TRPC1: variants seen among roughly 807,000 people sequenced by gnomAD.
TRPC1 encodes transient receptor potential cation channel subfamily C member 1.
TRPC1 carries 42 observed loss-of-function variants against 88.2 expected under a neutral mutation model. The observed-to-expected ratio is 0.48, with a 90% confidence interval of 0.37 to 0.62. TRPC1 has a LOEUF of 0.62. TRPC1 is among the 20% of genes least tolerant of loss of function. The pLI is 0.00. For synonymous variants in TRPC1, 288 were observed against 331.8 expected (o/e 0.87, Z 1.43); for missense variants, 699 against 957.3 (o/e 0.73, Z 3.56).
In TRPC1 at chr3:142,784,763, G is replaced by A. The variant is rs7621642; in HGVS notation, c.1020G>A (p.Ser340=). Residue 340 remains serine (S), a synonymous_variant, in exon 7 of 13, where the codon TCG becomes TCA. Transcript: ENST00000476941. ...ACACTGTTTGGTTTGGACAGATGTC[G>A]GGTTACCGACGCAAGCCCACCTGTA... The part of the protein sequence containing the change: ...FLNTVWFGQM[S]GYRRKPTCKK... 0.24 allele frequency: 384,592 copies of A among 1,613,628 alleles called. 55,615 individuals carry two copies. Among genetic ancestry groups the A allele is most frequent in the African/African-American group, 0.7 (52,380 of 74,894 alleles).
intron 9 of TRPC1, 35 bp downstream of exon 9, chr3:142,793,002 A>C: frequency 6.5e-7 from 1 of 1,527,390 alleles, no homozygotes; most frequent in Non-Finnish European, 8.9e-7. Context: ...AACATTTTTT[A>C]GATGTCATTA....
At chr3:142,752,392 C>T (rs527631170) in intron 4 of TRPC1, among the ~76,000 whole-genome samples, 1 of 152,392 alleles carries the variant, frequency 6.6e-6, no homozygotes, top group East Asian at 1.9e-4. Flanking sequence ...TTATGTTTCT[C>T]TCCACCCAAA....
Position 142,771,401 on chromosome 3 carries a change from C to T in TRPC1, c.633-6231C>T, listed in dbSNP as rs373970077. Among the ~76,000 whole-genome samples, 10 of 152,190 alleles carry T rather than the reference C, an allele frequency of 6.6e-5. No individual in the cohort carries two copies. In the East Asian group the frequency reaches 1.9e-3, roughly 29 times the overall value. ...ACGTTGCCCAGGCTGGTCTCGAACT[C>T]CTGGACTCAAGCAGTCCCCCCGCCA... On this transcript the variant is annotated intron_variant, in intron 4 of 12. Coordinates refer to ENST00000476941, the MANE Select transcript of TRPC1 (RefSeq NM_001251845.2).
At chr3:142,785,242 A>T (rs562770123) in intron 7 of TRPC1, 2 of 433,616 alleles carry the variant, frequency 4.6e-6, no homozygotes, top group Admixed American at 8.2e-5. Context: ...ATAAGGAAGC[A>T]TCTCTCTTAT....
At chr3:142,779,618 A>G (rs1168909681) in intron 5 of TRPC1, among the ~76,000 whole-genome samples, 1 of 152,200 alleles carries the variant, frequency 6.6e-6, no homozygotes, top group Non-Finnish European at 1.5e-5. Context: ...GAGAGAAATT[A>G]AGGCAAAGAA....
chr3:142,739,879 A>C (rs1934280576), intron 2 of TRPC1, among the ~76,000 whole-genome samples: 1 of 152,174 alleles, frequency 6.6e-6, no homozygotes, highest in Admixed American at 6.5e-5. Context: ...GGCAGATATG[A>C]GTCCATGGCC....
At chr3:142,803,850 A>C in intron 10 of TRPC1, 127 bp from the exon 11 acceptor site, 1 of 960,708 alleles carries the variant, frequency 1.0e-6, no homozygotes, top group South Asian at 1.7e-5. Flanking sequence ...AGTCAACATC[A>C]TTTTTAAATA....
chr3:142,741,262 G>A (rs990831421), intron 2 of TRPC1, among the ~76,000 whole-genome samples: 18 of 150,714 alleles, frequency 1.2e-4, no homozygotes. Flanking sequence ...CATACCATTT[G>A]TGCAGAATAA....
At chr3:142,759,993 T>G (rs1243955169) in intron 4 of TRPC1, among the ~76,000 whole-genome samples, 2 of 152,070 alleles carry the variant, frequency 1.3e-5, no homozygotes, top group Admixed American at 1.3e-4. Context: ...CCGGCTAATT[T>G]TTTTGTATTT....
chr3:142,743,560 A>G lies in TRPC1; in HGVS notation c.403A>G (p.Lys135Glu). 2 of 1,525,518 alleles carry G rather than the reference A, an allele frequency of 1.3e-6. No homozygotes were observed. Among genetic ancestry groups the G allele is most frequent in the Non-Finnish European group, 1.8e-6 (2 of 1,142,460 alleles). The allele number at this position is 1,525,518 out of a possible 1,614,324, so 94.5% of individuals were successfully genotyped here. The change falls in exon 3 of 13, where the codon AAA becomes GAA. Residue 135 changes from lysine (K) to glutamate (E), a missense_variant. Transcript: ENST00000476941. ...AVDILLNHRP[K>E]RSSRPTIVKL... ...TGATATACTACTTAATCATCGACCA[A>G]AACGATCATCAAGACCAACTATAGT...
At chr3:142,786,821 C>T (rs1414146903) in intron 7 of TRPC1, among the ~76,000 whole-genome samples, 1 of 151,968 alleles carries the variant, frequency 6.6e-6, no homozygotes, top group Non-Finnish European at 1.5e-5. Context: ...TATCTATAAC[C>T]TATTGTTTAG....
At chr3:142,736,314 T>C in intron 1 of TRPC1, 65 bp from the exon 2 acceptor site, 1 of 1,275,718 alleles carries the variant, frequency 7.8e-7, no homozygotes, top group Non-Finnish European at 1.0e-6. Context: ...GCTAAGTTTT[T>C]CTTTACAGTC....
intron 11 of TRPC1, 92 bp from the exon 12 acceptor site, chr3:142,804,344 G>C (rs1214976715): frequency 1.6e-6 from 2 of 1,261,014 alleles, no homozygotes; most frequent in Admixed American, 2.7e-5. Flanking sequence ...TGCAAATGTT[G>C]AACAAAATTT....
intron 9 of TRPC1, among the ~76,000 whole-genome samples, chr3:142,795,470 A>C (rs1221280513): frequency 1.3e-5 from 2 of 152,024 alleles, no homozygotes; most frequent in East Asian, 3.9e-4. Context: ...CAAACAGAGA[A>C]TAGCAGGTCA....
intron 9 of TRPC1, among the ~76,000 whole-genome samples, chr3:142,796,123 A>C (rs1936440945): frequency 6.6e-6 from 1 of 152,076 alleles, no homozygotes; most frequent in Non-Finnish European, 1.5e-5. Context: ...CATTTTACAG[A>C]GGAAGAATCT....
intron 4 of TRPC1, among the ~76,000 whole-genome samples, chr3:142,773,976 C>A (rs1421693984): frequency 6.6e-6 from 1 of 151,928 alleles, no homozygotes; most frequent in Non-Finnish European, 1.5e-5. Context: ...ACTTGCCTAG[C>A]CTACAGAATT....
At position 142,736,499 on chromosome 3, in the gene TRPC1, A is replaced by G. The variant is rs774070757; in HGVS notation, c.293A>G (p.Asp98Gly). 6.2e-7 allele frequency: 1 copy of G among 1,611,334 alleles called. No individual in the cohort carries two copies. The highest frequency in any genetic ancestry group is 1.1e-5 in the South Asian group (1 of 90,652). The change falls in exon 2 of 13, where the codon GAT (aspartate) becomes GGT (glycine). Residue 98 changes from aspartate (D) to glycine (G), a missense_variant. Coordinates refer to ENST00000476941, the MANE Select transcript of TRPC1 (RefSeq NM_001251845.2). ...ATAACTATTGAAAACGAAAACTTGG[A>G]TATACTGCAGCTTCTTTTGGACTAC... is the stretch of plus-strand genomic sequence containing the variant. ...VTITIENENL[D>G]ILQLLLDYGC... is the part of the protein sequence containing the mutation.
chr3:142,800,046 C>G (rs1422979917), intron 9 of TRPC1, among the ~76,000 whole-genome samples: 5 of 152,166 alleles, frequency 3.3e-5, no homozygotes, highest in South Asian at 2.1e-4. Context: ...CTGTAGTTAT[C>G]AAAAGCAGTT....
chr3:142,791,528 A>G (rs1936295949), intron 8 of TRPC1, among the ~76,000 whole-genome samples: 1 of 152,146 alleles, frequency 6.6e-6, no homozygotes, highest in African/African-American at 2.4e-5. Flanking sequence ...TAGGAAACCA[A>G]GACTGGATTT....
Sources: allele counts gnomAD v4.1 joint callset (sites outside exome capture counted in the v4.1 genomes callset), GRCh38; gene constraint gnomAD v4.1.1; transcripts MANE v1.5; gene names NCBI Gene and HGNC (gene_info 2026-07-23, HGNC 2026-07-21).